The following B3GALT5 variants were observed in gnomAD, a reference collection of about 807,000 sequenced individuals.
B3GALT5 encodes beta-1,3-galactosyltransferase 5, also known as UDP-Gal:betaGlcNAc beta 1,3-galactosyltransferase, polypeptide 5.
For synonymous variants in B3GALT5, 156 were observed against 158.6 expected (o/e 0.98, Z 0.12); for missense variants, 328 against 396.6 (o/e 0.83, Z 1.47).
At chr21:39,618,580 A>G (rs1047328443) in intron 1 of B3GALT5, among the ~76,000 whole-genome samples, 5 of 152,204 alleles carry the variant, frequency 3.3e-5, no homozygotes, top group Admixed American at 2.0e-4. Context: ...TATCTCAGCC[A>G]TTTGGATTTC....
At chr21:39,659,473 T>C (rs2079487053) in intron 2 of B3GALT5, among the ~76,000 whole-genome samples, 1 of 152,230 alleles carries the variant, frequency 6.6e-6, no homozygotes, top group East Asian at 1.9e-4. Context: ...CTCTAATTTA[T>C]GAGTTTATCA....
chr21:39,616,822 A>G (rs928255432), intron 1 of B3GALT5, among the ~76,000 whole-genome samples: 8 of 152,220 alleles, frequency 5.3e-5, no homozygotes, highest in African/African-American at 1.7e-4. Context: ...GATTAAATTT[A>G]TTAAAATTTA....
At position 39,661,541 on chromosome 21, in the gene B3GALT5, T is replaced by A; in HGVS notation, c.*49T>A. ...ACAAGTTTCAGATAACCCGTGGGGA[T>A]AGTTTTTGCTAGATTTTGGAAGAGG... is the stretch of plus-strand genomic sequence containing the variant. On this transcript the variant is annotated 3_prime_UTR_variant, in exon 4 of 4. Coordinates refer to ENST00000684187, the MANE Select transcript of B3GALT5 (RefSeq NM_001356336.2). This position sits in a 1 kb window ranked among gnomAD's most constrained non-coding sequence, Gnocchi z 4.7. 6.9e-7 allele frequency: 1 copy of A among 1,453,092 alleles called. No individual in the cohort carries two copies. The highest frequency in any genetic ancestry group is 9.1e-7 in the Non-Finnish European group (1 of 1,098,354). The allele number at this position is 1,453,092 out of a possible 1,614,324, so 90.0% of individuals were successfully genotyped here.
intron 1 of B3GALT5, among the ~76,000 whole-genome samples, chr21:39,613,998 A>G (rs913617857): frequency 2.0e-5 from 3 of 152,188 alleles, no homozygotes; most frequent in African/African-American, 4.8e-5. Context: ...ATGGAGATGG[A>G]GGAGGAGTAG....
intron 1 of B3GALT5, among the ~76,000 whole-genome samples, chr21:39,644,706 T>A (rs1020041424): frequency 6.6e-6 from 1 of 152,208 alleles, no homozygotes; most frequent in African/African-American, 2.4e-5. Flanking sequence ...AAACTCCTAC[T>A]GTGTGCCATG....
At chr21:39,648,825 A>G (rs11700951) in intron 2 of B3GALT5, among the ~76,000 whole-genome samples, 114,920 of 152,020 alleles carry the variant, frequency 0.76, 43,582 homozygotes, top group Middle Eastern at 0.8. Context: ...GCTCGTGATG[A>G]GATGAGCGTC....
rs2079537990 is a variant in B3GALT5 at position 39,662,469 on chromosome 21, T to C, written c.*977T>C. On this transcript the variant is annotated 3_prime_UTR_variant, in exon 4 of 4. Transcript: ENST00000684187. ...GGGATTCTGGGAGCTTTCTGGGAAT[T>C]CAGTTGGAGTCAAGTCAGGATGCTC... 1 of 167,116 alleles carries C rather than the reference T, an allele frequency of 6.0e-6. No individual in the cohort carries two copies. The highest frequency in any genetic ancestry group is 1.5e-5 in the Non-Finnish European group (1 of 68,148). The allele number at this position is 167,116 out of a possible 1,614,324, so 10.4% of individuals were successfully genotyped here.
chr21:39,642,887 A>AG (rs68144450), intron 1 of B3GALT5, among the ~76,000 whole-genome samples: 34,229 of 140,990 alleles, frequency 0.24, 4,465 homozygotes, highest in East Asian at 0.38. Context: ...AAAAAAAAAA[A>AG]AAAAGAAAAG....
intron 1 of B3GALT5, among the ~76,000 whole-genome samples, chr21:39,623,952 C>T (rs2079150792): frequency 6.6e-6 from 1 of 152,210 alleles, no homozygotes; most frequent in African/African-American, 2.4e-5. Flanking sequence ...GTATCTGCTA[C>T]ATCTCCTTTG....
chr21:39,632,856 G>C (rs570431337), intron 1 of B3GALT5, among the ~76,000 whole-genome samples: 1 of 152,126 alleles, frequency 6.6e-6, no homozygotes, highest in Non-Finnish European at 1.5e-5. Flanking sequence ...GGAGAAAGTG[G>C]CCTTTGTTTT....
intron 1 of B3GALT5, among the ~76,000 whole-genome samples, chr21:39,631,039 A>G (rs2146191012): frequency 6.6e-6 from 1 of 152,370 alleles, no homozygotes; most frequent in Admixed American, 6.5e-5. Context: ...TGTTGCTATT[A>G]TTGCATTTGC....
intron 2 of B3GALT5, among the ~76,000 whole-genome samples, chr21:39,654,545 G>T (rs1195911834): frequency 6.6e-6 from 1 of 152,248 alleles, no homozygotes; most frequent in Non-Finnish European, 1.5e-5. Context: ...GCAGTAGCAG[G>T]ATTCGAGAGG....
intron 1 of B3GALT5, chr21:39,630,591 A>G (rs1052024924): frequency 6.6e-6 from 1 of 152,156 alleles, no homozygotes; most frequent in Non-Finnish European, 1.5e-5. Context: ...GAAATACACA[A>G]GGGGATGGCT....
intron 1 of B3GALT5, among the ~76,000 whole-genome samples, chr21:39,639,459 T>C (rs2079271015): frequency 7.3e-6 from 1 of 137,026 alleles, no homozygotes; most frequent in South Asian, 2.2e-4. Context: ...TTTCTTTTTT[T>C]CTTTCTCTCT....
chr21:39,633,819 G>A (rs887456293), intron 1 of B3GALT5, among the ~76,000 whole-genome samples: 7 of 152,148 alleles, frequency 4.6e-5, no homozygotes, highest in Non-Finnish European at 1.0e-4. Context: ...TTTGCCCTCC[G>A]GACAGTCCTG....
chr21:39,658,402 A>G (rs2079471567), intron 2 of B3GALT5, among the ~76,000 whole-genome samples: 1 of 152,130 alleles, frequency 6.6e-6, no homozygotes, highest in African/African-American at 2.4e-5. Flanking sequence ...TTTAAGGTTT[A>G]CTGTTAAAGC....
In B3GALT5 at chr21:39,659,731, ACT is replaced by A. The variant is rs1178583422; in HGVS notation, c.-160-19_-160-18del. 3.1e-6 allele frequency: 3 copies of A among 977,188 alleles called. No homozygotes were observed. Among genetic ancestry groups the A allele is most frequent in the Non-Finnish European group, 3.6e-6 (3 of 825,176 alleles). 60.5% of individuals were successfully genotyped at this position (977,188 alleles called of 1,614,324 possible). A position where few individuals can be genotyped will look rare whatever the true frequency, so the allele number is the denominator to read the frequency against. ...GTAAGGCACGAGTGATTTGAATGAC[ACT>A]CTTTTTTTTTTTTTCCTAGTGATTC... On this transcript the variant is annotated intron_variant, in intron 2 of 3. Transcript: ENST00000684187.
rs1346571535 is a variant in B3GALT5, at chr21:39,667,137, A to G, written c.*5645A>G. 1 of 152,244 alleles carries G rather than the reference A, an allele frequency of 6.6e-6. No homozygotes were observed. Among genetic ancestry groups the G allele is most frequent in the African/African-American group, 2.4e-5 (1 of 41,462 alleles). 9.4% of individuals were successfully genotyped at this position (152,244 alleles called of 1,614,324 possible). The stretch of plus-strand genomic sequence containing the variant: ...CTGCAGGAGGGTGAGCGTGGTCAAG[A>G]GCAGCAATTTTCATTGTTTCATGTG... On this transcript the variant is annotated 3_prime_UTR_variant, in exon 4 of 4. Transcript: ENST00000684187.
intron 1 of B3GALT5, among the ~76,000 whole-genome samples, chr21:39,622,578 T>G (rs1289209682): frequency 6.6e-6 from 1 of 152,112 alleles, no homozygotes; most frequent in Non-Finnish European, 1.5e-5. Flanking sequence ...CCCTAACTAA[T>G]AGCAAGTATC....
Sources: allele counts gnomAD v4.1 joint callset (sites outside exome capture counted in the v4.1 genomes callset), GRCh38; gene constraint gnomAD v4.1.1; non-coding constraint Gnocchi (gnomAD v3.1); transcripts MANE v1.5; gene names NCBI Gene and HGNC (gene_info 2026-07-23, HGNC 2026-07-21).